KLHDC4: variants seen among roughly 807,000 people sequenced by gnomAD.
The protein encoded by KLHDC4 is kelch domain containing 4, also known as kelch domain-containing protein 4.
Under a neutral mutation model 62.4 loss-of-function variants are expected in KLHDC4, and 90 were observed. The observed-to-expected ratio is 1.44, with a 90% CI of 1.22 to 1.72. The LOEUF is 1.72. KLHDC4 is among the 40% of genes most tolerant of loss of function. The probability of loss-of-function intolerance (pLI) is 0.00; values close to 1 mark genes in which losing one functional copy is unlikely to be tolerated. For missense variants in KLHDC4, 1,025 were observed against 699.7 expected (o/e 1.47, Z -5.25); for synonymous variants, 386 against 284.4 (o/e 1.36, Z -3.59).
intron 2 of KLHDC4, among the ~76,000 whole-genome samples, 178 bp downstream of exon 2, chr16:87,761,771 T>A (rs961750331): frequency 1.3e-5 from 2 of 152,218 alleles, no homozygotes; most frequent in South Asian, 2.1e-4. Flanking sequence ...CCAGGTTCCA[T>A]GACAGTAAAG....
chr16:87,746,024 G>C (rs2042982143), intron 5 of KLHDC4, among the ~76,000 whole-genome samples: 1 of 152,094 alleles, frequency 6.6e-6, no homozygotes, highest in African/African-American at 2.4e-5. Context: ...AGCTACTCAG[G>C]AAGCTGAAGT....
At chr16:87,701,367 G>C in exon 1 of KLHDC4, 1 of 318,482 alleles carries the variant, frequency 3.1e-6, no homozygotes, top group South Asian at 2.7e-5. Context: ...GAAGCTGAAT[G>C]CTCCTCCCAA....
At chr16:87,728,843 C>T (rs998911066) in intron 6 of KLHDC4, among the ~76,000 whole-genome samples, 5 of 152,070 alleles carry the variant, frequency 3.3e-5, no homozygotes, top group South Asian at 2.1e-4. Context: ...GCTGGGCATG[C>T]GGCTCACTTC....
chr16:87,712,100 G>A (rs1359307545), intron 8 of KLHDC4, among the ~76,000 whole-genome samples: 3 of 145,932 alleles, frequency 2.1e-5, no homozygotes, highest in African/African-American at 5.4e-5. Flanking sequence ...GGGTCTGAGT[G>A]CCTGCACCAG....
intron 5 of KLHDC4, among the ~76,000 whole-genome samples, chr16:87,738,114 G>C (rs1174305104): frequency 6.6e-6 from 1 of 152,188 alleles, no homozygotes; most frequent in Non-Finnish European, 1.5e-5. Context: ...AGAGGGCAGA[G>C]CAGGGTGTGT....
chr16:87,709,284 G>A lies in KLHDC4; in HGVS notation c.1428C>T (p.Ala476=), dbSNP rs754494838. The change falls in exon 10 of 12, where the codon GCC becomes GCT. Residue 476 remains alanine (A), a synonymous_variant. Transcript: ENST00000270583. ...GCTCACCTGGGTCCATCTCCACCAA[G>A]GCCTTCCACGCCTCCATCCTGTGCA... ...LDLHRMEAWK[A]LVEMDPETQE... is the part of the protein sequence containing the mutation. 2 of 1,611,652 alleles carry A rather than the reference G, an allele frequency of 1.2e-6. No individual in the cohort carries two copies. Among genetic ancestry groups the A allele is most frequent in the South Asian group, 2.2e-5 (2 of 91,062 alleles).
chr16:87,756,442 T>C lies in KLHDC4; in HGVS notation c.227A>G (p.Asp76Gly). 6.2e-7 allele frequency: 1 copy of C among 1,614,002 alleles called. No homozygotes were observed. Among genetic ancestry groups the C allele is most frequent in the Non-Finnish European group, 8.5e-7 (1 of 1,179,902 alleles). The change falls in exon 3 of 12, where the codon GAT becomes GGT. Residue 76 changes from aspartate to glycine, a missense_variant. Transcript: ENST00000270583. ...NASLSVHPEKDELILFGGEYF... is the reference protein window; with the variant it reads ...NASLSVHPEKGELILFGGEYF... ...TTCACCTCCAAAAAGGATTAACTCA[T>C]CTTTCTCAGGATGAACCGAGAGGGA...
rs1258681835 is a variant in KLHDC4, at chr16:87,759,908, T to G, written c.191+2041A>C. 2.0e-5 allele frequency among the ~76,000 whole-genome samples: 3 copies of G among 152,156 alleles called. No individual in the cohort carries two copies. In the South Asian group the frequency reaches 6.2e-4, roughly 31 times the overall value. On this transcript the variant is annotated intron_variant, in intron 2 of 11. Coordinates refer to ENST00000270583, the MANE Select transcript of KLHDC4 (RefSeq NM_017566.4). ...GCCACCAGCGGCACCAGCCCAGGTG[T>G]TGCCGCCGCACAGGCAGGTGAGGTA...
chr16:87,759,672 G>C (rs1346405794), intron 2 of KLHDC4, among the ~76,000 whole-genome samples: 2 of 146,276 alleles, frequency 1.4e-5, no homozygotes, highest in African/African-American at 5.1e-5. Context: ...CTTGAACCTA[G>C]GAGGCTACAG....
At chr16:87,724,840 C>A (rs1438857842) in intron 7 of KLHDC4, among the ~76,000 whole-genome samples, 1 of 152,138 alleles carries the variant, frequency 6.6e-6, no homozygotes, top group Non-Finnish European at 1.5e-5. Context: ...TATCTATTTA[C>A]CCAAGAGAAA....
chr16:87,701,868 C>G (rs1263349624), exon 1 of KLHDC4: 1 of 456,620 alleles, frequency 2.2e-6, no homozygotes, highest in Non-Finnish European at 4.4e-6. Flanking sequence ...CCGAGGAAGC[C>G]TCTTCGAGCC....
intron 7 of KLHDC4, among the ~76,000 whole-genome samples, chr16:87,722,092 T>G (rs1567699554): frequency 6.6e-6 from 1 of 152,196 alleles, no homozygotes; most frequent in African/African-American, 2.4e-5. Context: ...TGAATGTTGC[T>G]GGGTCTAAGG....
chr16:87,708,199 C>A, intron 11 of KLHDC4, 124 bp from the exon 12 acceptor site: 4 of 620,526 alleles, frequency 6.4e-6, no homozygotes, highest in Non-Finnish European at 2.9e-6. Context: ...CACAGGCACA[C>A]GGCACTCATT....
At chr16:87,730,827 A>C (rs911882480) in intron 5 of KLHDC4, 183 bp from the exon 6 acceptor site, 2 of 534,668 alleles carry the variant, frequency 3.7e-6, no homozygotes, top group African/African-American at 3.9e-5. Flanking sequence ...CTAAGAGCCC[A>C]GCTAGCTAAG....
chr16:87,738,525 A>T (rs1216763729), intron 5 of KLHDC4, among the ~76,000 whole-genome samples: 1 of 152,066 alleles, frequency 6.6e-6, no homozygotes, highest in Non-Finnish European at 1.5e-5. Flanking sequence ...CAGAAAACCA[A>T]AACGTGGTCC....
Position 87,710,978 on chromosome 16 carries a change from C to CG in KLHDC4, c.1044+256dup, listed in dbSNP as rs142123734. ...CTCACACAGAGGGCCGGGGAGGTCC[C>CG]GGGCACCTCAGCCCAGGGCAACTGG... On this transcript the variant is annotated intron_variant, in intron 9 of 11. Coordinates refer to ENST00000270583, the MANE Select transcript of KLHDC4 (RefSeq NM_017566.4). The CG allele has an allele frequency of 7.9e-3, 3,880 of 490,624 alleles. 140 individuals are homozygous for CG. The highest frequency in any genetic ancestry group is 0.068 in the African/African-American group (3,543 of 52,064). 30.4% of individuals were successfully genotyped at this position (490,624 alleles called of 1,614,324 possible). A position where few individuals can be genotyped will look rare whatever the true frequency, so the allele number is the denominator to read the frequency against.
chr16:87,711,366 G>C lies in KLHDC4; in HGVS notation c.913C>G (p.Pro305Ala). 1 of 1,613,842 alleles carries C rather than the reference G, an allele frequency of 6.2e-7. No individual in the cohort carries two copies. ...PRSGFSVAMA[P>A]NHQTLFFGGV... ...CCGAAGAACAGTGTCTGGTGATTCG[G>C]GGCCATGGCCACGGAAAAGCCAGAC... Residue 305 changes from proline (P) to alanine (A), a missense_variant, in exon 9 of 12, where the codon CCG (proline) becomes GCG (alanine). Physicochemically the swap from Pro to Ala is conservative, Grantham distance 27 (BLOSUM62 -1). Coordinates refer to ENST00000270583, the MANE Select transcript of KLHDC4 (RefSeq NM_017566.4).
chr16:87,761,483 G>C (rs184135134), intron 2 of KLHDC4, among the ~76,000 whole-genome samples: 160 of 152,224 alleles, frequency 1.1e-3, no homozygotes, highest in African/African-American at 2.7e-3. Flanking sequence ...CTACAGACTC[G>C]GAACGTTTTT....
At chr16:87,744,053 C>T (rs1415891765) in intron 5 of KLHDC4, among the ~76,000 whole-genome samples, 2 of 151,844 alleles carry the variant, frequency 1.3e-5, no homozygotes, top group Admixed American at 6.6e-5. Flanking sequence ...CCGAGGGGGG[C>T]AGATCACTTG....
Sources: gnomAD v4.1 joint callset for allele counts (sites outside exome capture counted in the v4.1 genomes callset) on GRCh38, gnomAD v4.1.1 for gene constraint, MANE v1.5 for transcripts, NCBI Gene and HGNC (gene_info 2026-07-23, HGNC 2026-07-21) for gene names.